Variants in PLCL1 observed in about 807,000 individuals in gnomAD.
PLCL1 encodes the protein phospholipase C like 1 (inactive), also known as inactive phospholipase C-like protein 1.
PLCL1 carries 41 observed loss-of-function variants against 84.4 expected under a neutral mutation model. The observed-to-expected ratio is 0.49, with a 90% CI of 0.38 to 0.63. The LOEUF (loss-of-function observed/expected upper bound fraction) is 0.63, where lower values mean the gene tolerates loss of function less well. Ranked by LOEUF, PLCL1 falls within the 30% of genes least tolerant of loss-of-function variation. PLCL1 has a pLI of 0.00. For missense variants in PLCL1, 1,206 were observed against 1,367.8 expected (o/e 0.88, Z 1.87); for synonymous variants, 490 against 488.3 (o/e 1.00, Z -0.05).
chr2:197,874,525 TGATA>T (rs1202634933), intron 1 of PLCL1, among the ~76,000 whole-genome samples: 1 of 152,120 alleles, frequency 6.6e-6, no homozygotes, highest in Non-Finnish European at 1.5e-5. Flanking sequence ...ACACTAACCT[TGATA>T]GATTTCTTTA....
chr2:197,911,794 C>G (rs1276110692), intron 1 of PLCL1, among the ~76,000 whole-genome samples: 1 of 152,178 alleles, frequency 6.6e-6, no homozygotes, highest in Non-Finnish European at 1.5e-5. Flanking sequence ...GCTCAGTGAC[C>G]TGCAACATAG....
intron 5 of PLCL1, among the ~76,000 whole-genome samples, chr2:198,106,833 C>T (rs1207216593): frequency 6.6e-6 from 1 of 151,864 alleles, no homozygotes; most frequent in Non-Finnish European, 1.5e-5. Flanking sequence ...CTCTCCATCT[C>T]ACAAATGAGG....
At chr2:198,006,542 T>C (rs1690733341) in intron 1 of PLCL1, among the ~76,000 whole-genome samples, 1 of 152,202 alleles carries the variant, frequency 6.6e-6, no homozygotes, top group Non-Finnish European at 1.5e-5. Context: ...ATTGCATGTA[T>C]AATGTTTATA....
At chr2:198,129,152 C>A (rs547364574) in intron 5 of PLCL1, among the ~76,000 whole-genome samples, 1 of 152,302 alleles carries the variant, frequency 6.6e-6, no homozygotes, top group East Asian at 1.9e-4. Flanking sequence ...CCCTGCAAAG[C>A]TATCTCTTGT....
chr2:198,055,335 G>T (rs922638088), intron 1 of PLCL1, among the ~76,000 whole-genome samples: 2 of 129,350 alleles, frequency 1.5e-5, no homozygotes, highest in South Asian at 5.5e-4. Context: ...CTCTCTGTGT[G>T]TGTGTGTGTC....
intron 1 of PLCL1, among the ~76,000 whole-genome samples, chr2:197,925,813 C>T (rs2105761074): frequency 6.7e-6 from 1 of 149,840 alleles, no homozygotes; most frequent in South Asian, 2.2e-4. Context: ...TGTCATTAAC[C>T]CTTTTTATTT....
intron 1 of PLCL1, among the ~76,000 whole-genome samples, chr2:197,950,411 A>T (rs1689366362): frequency 6.6e-6 from 1 of 152,172 alleles, no homozygotes; most frequent in Non-Finnish European, 1.5e-5. Flanking sequence ...CATGACTAAT[A>T]TTCAGGGAAA....
intron 1 of PLCL1, among the ~76,000 whole-genome samples, chr2:198,008,655 A>G (rs759360209): frequency 6.6e-6 from 1 of 152,084 alleles, no homozygotes; most frequent in Middle Eastern, 3.4e-3. Context: ...GAATAATGCC[A>G]CAAGGAATGG....
intron 3 of PLCL1, among the ~76,000 whole-genome samples, chr2:198,090,867 G>C (rs1027897727): frequency 6.6e-6 from 1 of 152,166 alleles, no homozygotes; most frequent in African/African-American, 2.4e-5. Flanking sequence ...AAGGATACCT[G>C]GTCTGGGGCT....
At chr2:197,859,397 T>C (rs1157341234) in intron 1 of PLCL1, among the ~76,000 whole-genome samples, 1 of 152,204 alleles carries the variant, frequency 6.6e-6, no homozygotes, top group African/African-American at 2.4e-5. Flanking sequence ...ATTTTAAACC[T>C]ACTTATACCT....
intron 1 of PLCL1, among the ~76,000 whole-genome samples, chr2:198,028,775 G>T (rs1691336749): frequency 6.6e-6 from 1 of 152,070 alleles, no homozygotes; most frequent in South Asian, 2.1e-4. Context: ...GACATTTCAT[G>T]AACTTATTTT....
chr2:197,995,674 T>C (rs937538827), intron 1 of PLCL1, among the ~76,000 whole-genome samples: 1 of 152,124 alleles, frequency 6.6e-6, no homozygotes, highest in African/African-American at 2.4e-5. Context: ...GCGTCAGCCA[T>C]GTTCATGGTG....
chr2:197,889,715 T>A (rs1318485937), intron 1 of PLCL1, among the ~76,000 whole-genome samples: 1 of 152,206 alleles, frequency 6.6e-6, no homozygotes, highest in Non-Finnish European at 1.5e-5. Context: ...TTTCAGTTTT[T>A]TTTTCTTGCA....
At chr2:198,050,943 A>T (rs1262309894) in intron 1 of PLCL1, among the ~76,000 whole-genome samples, 1 of 152,204 alleles carries the variant, frequency 6.6e-6, no homozygotes, top group Non-Finnish European at 1.5e-5. Flanking sequence ...GGTTTCCGCA[A>T]ATGGTCATAT....
intron 4 of PLCL1, 28 bp downstream of exon 4, chr2:198,101,388 T>C: frequency 8.0e-7 from 1 of 1,243,548 alleles, no homozygotes; most frequent in South Asian, 1.3e-5. Flanking sequence ...TTTTTTCTGT[T>C]TTTTTTTTCT....
intron 1 of PLCL1, among the ~76,000 whole-genome samples, chr2:198,000,739 C>CTTTT (rs111755074): frequency 4.8e-5 from 7 of 145,320 alleles, no homozygotes. Context: ...CTTTATTTCC[C>CTTTT]TTTTTTTTTT....
rs1380572085 is a variant in PLCL1 at position 197,952,238 on chromosome 2, C to T, written c.241-131520C>T. 3.9e-5 allele frequency among the ~76,000 whole-genome samples: 6 copies of T among 152,268 alleles called. No homozygotes were observed. In the South Asian group the frequency reaches 1.0e-3, roughly 26 times the overall value. ...TCAAGAAAGTGCTCTTTCAGGAAGT[C>T]AAGGGACATTCTCTAGACTTTTAAC... On this transcript the variant is annotated intron_variant, in intron 1 of 5. Transcript: ENST00000428675.
intron 1 of PLCL1, among the ~76,000 whole-genome samples, chr2:198,024,717 C>T (rs556522459): frequency 6.6e-6 from 1 of 151,352 alleles, no homozygotes; most frequent in African/African-American, 2.4e-5. Flanking sequence ...GAGCCAAGAT[C>T]GTGCTATTGC....
In PLCL1 at chr2:197,950,625, C is replaced by T. The variant is rs183231389; in HGVS notation, c.241-133133C>T. 1.2e-3 allele frequency among the ~76,000 whole-genome samples: 183 copies of T among 152,092 alleles called. 1 individual carries two copies. Among genetic ancestry groups the T allele is most frequent in the South Asian group, 2.3e-3 (11 of 4,810 alleles). Reference sequence around the variant, plus strand: ...AGTGCCTTGAAAGTACTCTACATGACGAAAACGTCACAGTCAGCACACATG... The same window carrying T: ...AGTGCCTTGAAAGTACTCTACATGATGAAAACGTCACAGTCAGCACACATG... On this transcript the variant is annotated intron_variant, in intron 1 of 5. Transcript: ENST00000428675.
Sources: allele counts gnomAD v4.1 joint callset (sites outside exome capture counted in the v4.1 genomes callset), GRCh38; gene constraint gnomAD v4.1.1; transcripts MANE v1.5; gene names NCBI Gene and HGNC (gene_info 2026-07-23, HGNC 2026-07-21).